Variants in PDE7A observed in about 807,000 individuals in gnomAD.
The protein encoded by PDE7A is high affinity 3',5'-cyclic-AMP phosphodiesterase 7A.
A neutral mutation model predicts 64.3 loss-of-function variants in PDE7A; 39 were observed. That is an observed-to-expected ratio of 0.61 (90% CI 0.47 to 0.79). The LOEUF (loss-of-function observed/expected upper bound fraction) is 0.79, where lower values mean the gene tolerates loss of function less well. Among genes scored for constraint, PDE7A ranks in the 30% least tolerant of loss-of-function variants. The pLI is 0.00. For synonymous variants in PDE7A, 203 were observed against 206.8 expected (o/e 0.98, Z 0.16); for missense variants, 470 against 582.8 (o/e 0.81, Z 1.99).
chr8:65,769,616 C>T (rs1267478460), intron 3 of PDE7A, among the ~76,000 whole-genome samples: 1 of 152,152 alleles, frequency 6.6e-6, no homozygotes, highest in Non-Finnish European at 1.5e-5. Flanking sequence ...GTGATCTAGA[C>T]TGGGTGCGGT....
At chr8:65,770,594 T>C (rs1042325134) in intron 3 of PDE7A, among the ~76,000 whole-genome samples, 1 of 152,144 alleles carries the variant, frequency 6.6e-6, no homozygotes, top group Non-Finnish European at 1.5e-5. Flanking sequence ...CATATCAACC[T>C]CTAAACACTT....
chr8:65,755,726 CT>C (rs1255686691), intron 3 of PDE7A, among the ~76,000 whole-genome samples: 3 of 152,182 alleles, frequency 2.0e-5, no homozygotes, highest in Non-Finnish European at 4.4e-5. Flanking sequence ...TTTATTTCCT[CT>C]TATGGCTTTA....
At chr8:65,741,179 G>C (rs898215200) in intron 5 of PDE7A, among the ~76,000 whole-genome samples, 1 of 151,950 alleles carries the variant, frequency 6.6e-6, no homozygotes, top group African/African-American at 2.4e-5. Flanking sequence ...CAATTAAATA[G>C]ACCACGTTTT....
chr8:65,798,602 G>A lies in PDE7A; in HGVS notation c.139-15759C>T, dbSNP rs116101975. 5.9e-3 allele frequency among the ~76,000 whole-genome samples: 900 copies of A among 152,068 alleles called. 9 individuals are homozygous for A. The highest frequency in any genetic ancestry group is 0.02 in the African/African-American group (849 of 41,468). On this transcript the variant is annotated intron_variant, in intron 1 of 12. Coordinates refer to ENST00000401827, the MANE Select transcript of PDE7A (RefSeq NM_001242318.3). ...AGACGAGTCACAATAGAAGATATACGAATAGCCAATATGCATATGGATGCT... is the reference window on the plus strand; with the variant it reads ...AGACGAGTCACAATAGAAGATATACAAATAGCCAATATGCATATGGATGCT...
At chr8:65,726,799 A>T in intron 9 of PDE7A, 76 bp downstream of exon 9, 1 of 768,150 alleles carries the variant, frequency 1.3e-6, no homozygotes, top group Non-Finnish European at 2.2e-6. Flanking sequence ...AACAATTTTT[A>T]AAACTTTATA....
intron 1 of PDE7A, among the ~76,000 whole-genome samples, chr8:65,799,057 T>C (rs2128927705): frequency 6.6e-6 from 1 of 152,258 alleles, no homozygotes; most frequent in East Asian, 1.9e-4. Flanking sequence ...TCAATAGTGA[T>C]AGAAGTCAGA....
rs150411124 is a variant in PDE7A, at chr8:65,834,537, A to G, written c.138+6834T>C. Among the ~76,000 whole-genome samples, 892 of 152,312 alleles carry G rather than the reference A, an allele frequency of 5.9e-3. 9 individuals are homozygous for G. Among genetic ancestry groups the G allele is most frequent in the African/African-American group, 0.02 (843 of 41,558 alleles). ...ACTAAAGCAAAACTACTGCATCTTT[A>G]TTAAGAACCACTTGCCAAGTACTTT... On this transcript the variant is annotated intron_variant, in intron 1 of 12. Transcript: ENST00000401827.
At chr8:65,784,979 C>CA (rs901516471) in intron 1 of PDE7A, among the ~76,000 whole-genome samples, 137 of 148,386 alleles carry the variant, frequency 9.2e-4, no homozygotes, top group South Asian at 2.1e-3. Flanking sequence ...TACAAATCTC[C>CA]AAAAAAAAAA....
At chr8:65,765,704 G>A (rs187621976) in intron 3 of PDE7A, 1 of 152,186 alleles carries the variant, frequency 6.6e-6, no homozygotes, top group East Asian at 1.9e-4. Flanking sequence ...ACGTCAATGA[G>A]CTTTGGCAAA....
chr8:65,774,354 CTGAA>C (rs1262991762), intron 3 of PDE7A, among the ~76,000 whole-genome samples: 1 of 152,126 alleles, frequency 6.6e-6, no homozygotes, highest in Non-Finnish European at 1.5e-5. Flanking sequence ...TAAAATTACT[CTGAA>C]TGGTTCCCTC....
intron 3 of PDE7A, among the ~76,000 whole-genome samples, chr8:65,757,649 C>T (rs764900351): frequency 2.6e-5 from 4 of 152,130 alleles, no homozygotes; most frequent in African/African-American, 4.8e-5. Context: ...GACTGAGTCT[C>T]GCTCTGTCGC....
intron 1 of PDE7A, among the ~76,000 whole-genome samples, chr8:65,790,799 G>T (rs573775896): frequency 1.2e-4 from 18 of 152,234 alleles, no homozygotes; most frequent in African/African-American, 4.3e-4. Context: ...GACCGTCAAG[G>T]TCTCTGATTA....
intron 7 of PDE7A, among the ~76,000 whole-genome samples, chr8:65,732,266 T>C (rs1806925062): frequency 6.6e-6 from 1 of 152,174 alleles, no homozygotes; most frequent in Non-Finnish European, 1.5e-5. Flanking sequence ...CCCAAAATGC[T>C]GGGATTACAG....
intron 12 of PDE7A, chr8:65,722,387 T>C (rs986953505): frequency 1.7e-4 from 26 of 152,366 alleles, no homozygotes; most frequent in African/African-American, 5.5e-4. Flanking sequence ...AAGAATTACG[T>C]TTCTGAATTT....
chr8:65,783,471 C>T (rs1809471380), intron 1 of PDE7A, among the ~76,000 whole-genome samples: 1 of 152,208 alleles, frequency 6.6e-6, no homozygotes, highest in Non-Finnish European at 1.5e-5. Context: ...GTGCTGTTCC[C>T]TCATCCTGGA....
intron 5 of PDE7A, among the ~76,000 whole-genome samples, chr8:65,740,807 T>C (rs1807391814): frequency 6.6e-6 from 1 of 152,152 alleles, no homozygotes; most frequent in South Asian, 2.1e-4. Flanking sequence ...CTCTCTCTCT[T>C]TTCTATATTG....
At chr8:65,749,756 C>T (rs937971226) in intron 3 of PDE7A, among the ~76,000 whole-genome samples, 1 of 152,104 alleles carries the variant, frequency 6.6e-6, no homozygotes, top group African/African-American at 2.4e-5. Context: ...TAGGGTGACA[C>T]CTGGATTAAA....
At chr8:65,794,114 A>T (rs930884342) in intron 1 of PDE7A, among the ~76,000 whole-genome samples, 2 of 152,176 alleles carry the variant, frequency 1.3e-5, no homozygotes, top group Non-Finnish European at 2.9e-5. Context: ...ATCATGACAA[A>T]TTTTTGTACT....
chr8:65,798,206 A>ATATATATATTT, intron 1 of PDE7A, among the ~76,000 whole-genome samples: 29 of 73,788 alleles, frequency 3.9e-4, no homozygotes, highest in African/African-American at 1.2e-3. Context: ...ATATATATAT[A>ATATATATATTT]TTTTTTTTTT....
Sources: allele counts gnomAD v4.1 joint callset (sites outside exome capture counted in the v4.1 genomes callset), GRCh38; gene constraint gnomAD v4.1.1; transcripts MANE v1.5; gene names NCBI Gene and HGNC (gene_info 2026-07-23, HGNC 2026-07-21).